Variants in MDM1 observed in about 807,000 individuals in gnomAD.
MDM1 encodes the protein stabilizer of axonemal microtubules 6.
In MDM1, 61 loss-of-function variants were observed where a neutral mutation model predicts 89.1. The observed-to-expected ratio is 0.68, with a 90% CI of 0.56 to 0.85. The LOEUF is 0.85. Ranked by LOEUF, MDM1 falls within the 40% of genes least tolerant of loss-of-function variation. The pLI is 0.00. For synonymous variants in MDM1, 290 were observed against 294.1 expected, an observed-to-expected ratio of 0.99 and a Z score of 0.14; for missense variants, 820 against 846.5, an observed-to-expected ratio of 0.97 and a Z score of 0.39.
At chr12:68,298,540 T>C (rs909936481) in intron 13 of MDM1, among the ~76,000 whole-genome samples, 2 of 152,138 alleles carry the variant, frequency 1.3e-5, no homozygotes, top group Non-Finnish European at 2.9e-5. Context: ...AGTGTGCCTA[T>C]AGACAGCCTT....
intron 2 of MDM1, chr12:68,330,901 C>A: frequency 1.9e-6 from 1 of 520,212 alleles, no homozygotes; most frequent in Non-Finnish European, 3.4e-6. Flanking sequence ...TGGCCTGCCA[C>A]ACTAGCTGCT....
At chr12:68,299,255 TCA>T (rs1871827056) in intron 13 of MDM1, among the ~76,000 whole-genome samples, 1 of 152,024 alleles carries the variant, frequency 6.6e-6, no homozygotes, top group African/African-American at 2.4e-5. Flanking sequence ...CCTCAAAAGA[TCA>T]CACTCACTCT....
chr12:68,300,178 G>A (rs1172895690), intron 13 of MDM1, among the ~76,000 whole-genome samples: 1 of 152,106 alleles, frequency 6.6e-6, no homozygotes, highest in East Asian at 1.9e-4. Context: ...TACAAGAAAT[G>A]CTAAGTAGGA....
chr12:68,296,381 C>T (rs991118593), intron 14 of MDM1, among the ~76,000 whole-genome samples: 3 of 152,174 alleles, frequency 2.0e-5, no homozygotes, highest in African/African-American at 7.2e-5. Context: ...GCCTGTAATC[C>T]CAGCTATTTG....
At chr12:68,312,240 T>C (rs951688676) in intron 12 of MDM1, among the ~76,000 whole-genome samples, 5 of 152,196 alleles carry the variant, frequency 3.3e-5, no homozygotes, top group South Asian at 4.1e-4. Context: ...CAAACCTATA[T>C]AGTCAGTTCC....
intron 14 of MDM1, among the ~76,000 whole-genome samples, chr12:68,296,101 G>A (rs1262351092): frequency 1.3e-5 from 2 of 152,204 alleles, no homozygotes; most frequent in Non-Finnish European, 2.9e-5. Context: ...AACTTTGTAA[G>A]TTCAGTAATT....
intron 7 of MDM1, among the ~76,000 whole-genome samples, chr12:68,318,241 C>T (rs577699902): frequency 3.9e-5 from 6 of 152,164 alleles, no homozygotes; most frequent in African/African-American, 1.2e-4. Context: ...AAAGGGGGAC[C>T]AATCAGTCCT....
intron 12 of MDM1, among the ~76,000 whole-genome samples, chr12:68,306,453 A>G (rs1339831018): frequency 2.0e-5 from 3 of 152,242 alleles, no homozygotes; most frequent in Non-Finnish European, 4.4e-5. Flanking sequence ...CAACAGAGTA[A>G]ACGGACATCT....
Position 68,321,410 on chromosome 12 carries a change from G to A in MDM1, c.942C>T (p.Ser314=). The A allele has an allele frequency of 1.2e-6, 2 of 1,613,736 alleles. No individual in the cohort carries two copies. Among genetic ancestry groups the A allele is most frequent in the Non-Finnish European group, 1.7e-6 (2 of 1,179,846 alleles). Residue 314 remains serine (S), a synonymous_variant, in exon 7 of 15, where the codon AGC becomes AGT. Coordinates refer to ENST00000682720, the MANE Select transcript of MDM1 (RefSeq NM_001354969.2). ...VNSEYRAKFL[S]PAQYLYKAGA... is the part of the protein sequence containing the mutation. ...CAGCTTTATATAAATACTGAGCTGG[G>A]CTCAGAAATTTTGCTCTATATTCGG...
intron 7 of MDM1, among the ~76,000 whole-genome samples, chr12:68,319,935 T>C (rs891023742): frequency 6.6e-6 from 1 of 152,248 alleles, no homozygotes. Flanking sequence ...AGATGTTTAG[T>C]TCTGATGCCT....
chr12:68,308,926 A>G (rs1184393398), intron 12 of MDM1, among the ~76,000 whole-genome samples: 1 of 152,068 alleles, frequency 6.6e-6, no homozygotes, highest in Non-Finnish European at 1.5e-5. Flanking sequence ...TGTTCCCCTT[A>G]CATAATTGTG....
intron 8 of MDM1, 111 bp from the exon 9 acceptor site, chr12:68,316,364 G>T: frequency 7.9e-7 from 1 of 1,261,730 alleles, no homozygotes; most frequent in Non-Finnish European, 1.1e-6. Flanking sequence ...CAAAGACAAA[G>T]GAAGGCAAAA....
chr12:68,327,301 T>C (rs1196683028), intron 2 of MDM1: 4 of 1,421,900 alleles, frequency 2.8e-6, no homozygotes, highest in Non-Finnish European at 2.7e-6. Context: ...CAAAAGTCAC[T>C]AGAATTGCAA....
At chr12:68,297,261 T>C (rs549277926) in intron 13 of MDM1, among the ~76,000 whole-genome samples, 3 of 152,248 alleles carry the variant, frequency 2.0e-5, no homozygotes, top group African/African-American at 2.4e-5. Flanking sequence ...AATGATAATA[T>C]TGATCTATTC....
At chr12:68,317,370 A>G (rs892209396) in intron 7 of MDM1, among the ~76,000 whole-genome samples, 2 of 152,134 alleles carry the variant, frequency 1.3e-5, no homozygotes, top group Non-Finnish European at 2.9e-5. Context: ...AATCATCAAG[A>G]CAGAAAATCT....
chr12:68,311,255 T>C (rs1198972539), intron 12 of MDM1, among the ~76,000 whole-genome samples: 2 of 152,194 alleles, frequency 1.3e-5, no homozygotes, highest in Non-Finnish European at 2.9e-5. Context: ...CCTTCCTGAC[T>C]GGTCTTCTGC....
intron 1 of MDM1, chr12:68,331,905 G>A (rs1229816025): frequency 1.5e-6 from 1 of 649,076 alleles, no homozygotes; most frequent in Non-Finnish European, 2.9e-6. Flanking sequence ...TGGGCCACAG[G>A]TGTCCCAATC....
At chr12:68,308,127 CTTTT>C (rs774192759) in intron 12 of MDM1, among the ~76,000 whole-genome samples, 2 of 138,850 alleles carry the variant, frequency 1.4e-5, no homozygotes, top group African/African-American at 5.3e-5. Context: ...GCTGTTCCTT[CTTTT>C]TTTTTTTTTT....
At chr12:68,300,247 A>G (rs1270352864) in intron 13 of MDM1, among the ~76,000 whole-genome samples, 1 of 152,188 alleles carries the variant, frequency 6.6e-6, no homozygotes, top group Non-Finnish European at 1.5e-5. Flanking sequence ...TGAAAGCTTA[A>G]AACTCACAGG....
Sources: gnomAD v4.1 joint callset for allele counts (sites outside exome capture counted in the v4.1 genomes callset) on GRCh38, gnomAD v4.1.1 for gene constraint, MANE v1.5 for transcripts, NCBI Gene and HGNC (gene_info 2026-07-23, HGNC 2026-07-21) for gene names.